Variants in GPR19 observed in about 807,000 individuals in gnomAD.
GPR19 encodes the protein probable G protein-coupled receptor 19.
A neutral mutation model predicts 28.5 loss-of-function variants in GPR19; 14 were observed. The observed-to-expected ratio is 0.49, with a 90% CI of 0.32 to 0.77. GPR19 has a LOEUF of 0.77. Ranked by LOEUF, GPR19 falls within the 30% of genes least tolerant of loss-of-function variation. The pLI, the probability that GPR19 is intolerant of heterozygous loss-of-function variation, is 0.03. For synonymous variants in GPR19, 173 were observed against 184.1 expected (o/e 0.94, Z 0.49); for missense variants, 409 against 504.1 (o/e 0.81, Z 1.81).
In GPR19 at chr12:12,677,204, A is replaced by ATT. The variant is rs765786361; in HGVS notation, c.-23+7145_-23+7146dup. On this transcript the variant is annotated intron_variant, in intron 3 of 3. Transcript: ENST00000651487. The stretch of plus-strand genomic sequence containing the variant: ...CTTCAAGTTTATGAAGCAGATGTTA[A>ATT]TTTTTTTTTTTTTTTTTTTTGAGAC... Among the ~76,000 whole-genome samples the ATT allele has an allele frequency of 2.8e-3, 368 of 133,586 alleles. 5 individuals are homozygous for ATT. The highest frequency in any genetic ancestry group is 7.6e-3 in the African/African-American group (269 of 35,282). The allele number at this position is 133,586 out of a possible 152,430, so 87.6% of individuals were successfully genotyped here. A position where few individuals can be genotyped will look rare whatever the true frequency, so the allele number is the denominator to read the frequency against.
chr12:12,669,666 C>A (rs183551984), intron 3 of GPR19, among the ~76,000 whole-genome samples: 1 of 152,138 alleles, frequency 6.6e-6, no homozygotes, highest in Admixed American at 6.5e-5. Flanking sequence ...ATGGCAAACA[C>A]CAAAAATTGA....
chr12:12,695,333 A>C (rs1407388788), intron 2 of GPR19, 126 bp downstream of exon 2: 1 of 152,236 alleles, frequency 6.6e-6, no homozygotes, highest in African/African-American at 2.4e-5. Context: ...TGTGGTAGCT[A>C]AATGCCACCA....
the GPR19 span, among the ~76,000 whole-genome samples, chr12:12,711,610 G>T: frequency 6.6e-6 from 1 of 152,216 alleles, no homozygotes; most frequent in African/African-American, 2.4e-5. Context: ...TGTATGCTCA[G>T]TTATAATTCT....
At chr12:12,674,973 G>A (rs1945909260) in intron 3 of GPR19, among the ~76,000 whole-genome samples, 1 of 152,136 alleles carries the variant, frequency 6.6e-6, no homozygotes, top group Non-Finnish European at 1.5e-5. Flanking sequence ...CTGGGGTCAG[G>A]GAGGCAATGG....
intron 3 of GPR19, among the ~76,000 whole-genome samples, chr12:12,681,737 C>T (rs945305715): frequency 1.3e-5 from 2 of 152,194 alleles, no homozygotes; most frequent in Non-Finnish European, 2.9e-5. Flanking sequence ...TTATCCACAA[C>T]CCCTTAATGA....
At position 12,661,489 on chromosome 12, in the gene GPR19, A is replaced by G; in HGVS notation, c.960T>C (p.Phe320=). ...LVFTAITWIS[F]SSSASKPTLY... ...GAGTAGGTTTAGAGGCTGAAGAACT[A>G]AAGGATATCCATGTGATAGCTGTGA... is the stretch of plus-strand genomic sequence containing the variant. Residue 320 remains phenylalanine, a synonymous_variant, in exon 4 of 4, where the codon TTT becomes TTC. Coordinates refer to ENST00000651487, the MANE Select transcript of GPR19 (RefSeq NM_006143.3). This position sits in a 1 kb window ranked among gnomAD's most constrained non-coding sequence, Gnocchi z 4.2. The G allele has an allele frequency of 1.9e-6, 3 of 1,613,376 alleles. No homozygotes were observed. The highest frequency in any genetic ancestry group is 1.7e-6 in the Non-Finnish European group (2 of 1,179,284).
chr12:12,670,937 G>A (rs1945847997), intron 3 of GPR19, among the ~76,000 whole-genome samples: 1 of 152,048 alleles, frequency 6.6e-6, no homozygotes, highest in African/African-American at 2.4e-5. Context: ...AACTTTTTAA[G>A]GTATCCTACA....
chr12:12,702,185 T>C, the GPR19 span, among the ~76,000 whole-genome samples: 1 of 151,934 alleles, frequency 6.6e-6, no homozygotes, highest in African/African-American at 2.4e-5. Flanking sequence ...TTTGTACAAA[T>C]TAGGCACAAC....
intron 3 of GPR19, among the ~76,000 whole-genome samples, chr12:12,682,467 T>C (rs1371408075): frequency 6.6e-6 from 1 of 152,208 alleles, no homozygotes; most frequent in Non-Finnish European, 1.5e-5. Context: ...CTTCTCAGTC[T>C]TCATTCACAA....
intron 3 of GPR19, among the ~76,000 whole-genome samples, chr12:12,674,138 G>A (rs1945896664): frequency 6.6e-6 from 1 of 150,516 alleles, no homozygotes; most frequent in South Asian, 2.1e-4. Context: ...CTTGAACCTG[G>A]GAGGCGGAGG....
chr12:12,690,908 T>C (rs1325083339), intron 2 of GPR19, among the ~76,000 whole-genome samples: 1 of 152,120 alleles, frequency 6.6e-6, no homozygotes, highest in Non-Finnish European at 1.5e-5. Context: ...TTTGAGCAAG[T>C]TGGAAGTTTA....
At chr12:12,701,150 T>A (rs1946321195), upstream of GPR19, among the ~76,000 whole-genome samples, 2 of 152,356 alleles carry the variant, frequency 1.3e-5, no homozygotes, top group African/African-American at 2.4e-5. Context: ...CTTTGCAGTT[T>A]ACCACAGAAC....
chr12:12,671,564 A>G (rs1158709192), intron 3 of GPR19, among the ~76,000 whole-genome samples: 2 of 152,026 alleles, frequency 1.3e-5, no homozygotes, highest in Non-Finnish European at 2.9e-5. Flanking sequence ...GACTGGGTAT[A>G]TTTTCTTTTT....
At chr12:12,716,456 GA>G in the GPR19 span, among the ~76,000 whole-genome samples, 2 of 152,128 alleles carry the variant, frequency 1.3e-5, no homozygotes, top group African/African-American at 4.8e-5. Flanking sequence ...CAGAAAAGTA[GA>G]AAGGGACGAG....
chr12:12,717,037 C>T, the GPR19 span: 19 of 1,004,510 alleles, frequency 1.9e-5, no homozygotes, highest in Non-Finnish European at 2.3e-5. Flanking sequence ...TTAGGCGCCG[C>T]GGCGAACCCG....
chr12:12,707,989 C>T, the GPR19 span, among the ~76,000 whole-genome samples: 166 of 62,280 alleles, frequency 2.7e-3, no homozygotes, highest in East Asian at 3.7e-3. Flanking sequence ...ATTTCCTATT[C>T]TTTTTTTTTT....
upstream of GPR19, among the ~76,000 whole-genome samples, chr12:12,699,331 G>C (rs755302024): frequency 1.3e-5 from 2 of 152,104 alleles, no homozygotes; most frequent in African/African-American, 2.4e-5. Context: ...AACAGAGCAA[G>C]ACTCTGTCTC....
chr12:12,687,625 C>A (rs1946115525), intron 2 of GPR19, among the ~76,000 whole-genome samples: 1 of 152,158 alleles, frequency 6.6e-6, no homozygotes. Context: ...CTCCTGGGGA[C>A]CAAACACAGG....
At chr12:12,687,997 T>A (rs963303310) in intron 2 of GPR19, among the ~76,000 whole-genome samples, 4 of 152,206 alleles carry the variant, frequency 2.6e-5, no homozygotes, top group African/African-American at 9.6e-5. Context: ...AAATGCTAGT[T>A]AATAAATACA....
Sources: gnomAD v4.1 joint callset for allele counts (sites outside exome capture counted in the v4.1 genomes callset) on GRCh38, gnomAD v4.1.1 for gene constraint, Gnocchi (gnomAD v3.1) non-coding constraint, MANE v1.5 for transcripts, NCBI Gene and HGNC (gene_info 2026-07-23, HGNC 2026-07-21) for gene names.